The following WDR27 variants were observed in gnomAD, a reference collection of about 807,000 sequenced individuals.
The protein encoded by WDR27 is WD repeat-containing protein 27.
A neutral mutation model predicts 114.4 loss-of-function variants in WDR27; 100 were observed. That is an observed-to-expected ratio of 0.87 (90% CI 0.74 to 1.03). WDR27 has a LOEUF of 1.03. WDR27 is among the 50% of genes least tolerant of loss of function. The probability of loss-of-function intolerance (pLI) is 0.00; values close to 1 mark genes in which losing one functional copy is unlikely to be tolerated. For synonymous variants in WDR27, 449 were observed against 423.1 expected (o/e 1.06, Z -0.75); for missense variants, 1,129 against 1,092.9 (o/e 1.03, Z -0.47).
chr6:169,568,104 G>A (rs1053222734), intron 25 of WDR27, among the ~76,000 whole-genome samples: 1 of 151,784 alleles, frequency 6.6e-6, no homozygotes, highest in Non-Finnish European at 1.5e-5. Flanking sequence ...GCAGGGCTTG[G>A]GGAGACCAGT....
At chr6:169,601,084 G>A (rs1016960185) in intron 23 of WDR27, among the ~76,000 whole-genome samples, 1 of 152,166 alleles carries the variant, frequency 6.6e-6, no homozygotes, top group African/African-American at 2.4e-5. Flanking sequence ...TACCCACAAA[G>A]GGAAGCCCAT....
intron 25 of WDR27, among the ~76,000 whole-genome samples, chr6:169,461,623 A>G (rs1292813333): frequency 6.6e-6 from 1 of 150,630 alleles, no homozygotes; most frequent in African/African-American, 2.4e-5. Flanking sequence ...TAAGGGGGGA[A>G]TTTATAGCTA....
At chr6:169,669,450 A>G (rs2128292486) in intron 4 of WDR27, 1 of 152,304 alleles carries the variant, frequency 6.6e-6, no homozygotes, top group Non-Finnish European at 1.5e-5. Flanking sequence ...CCCCAGGCTG[A>G]TGGTTCTCTC....
At chr6:169,506,323 A>G (rs1415183776) in intron 25 of WDR27, among the ~76,000 whole-genome samples, 1 of 152,172 alleles carries the variant, frequency 6.6e-6, no homozygotes, top group Non-Finnish European at 1.5e-5. Context: ...GTCTTACCTA[A>G]CAAATGTTGA....
At position 169,628,136 on chromosome 6, in the gene WDR27, G is replaced by A. The variant is rs1200340096; in HGVS notation, c.2223+4811C>T. On this transcript the variant is annotated intron_variant, in intron 21 of 25. Coordinates refer to ENST00000448612, the MANE Select transcript of WDR27 (RefSeq NM_182552.5). ...ATGAGAGTGGAGTCTGCATGAATGG[G>A]CTGAATGCCCTTATGAGGGAGGTTT... Among the ~76,000 whole-genome samples, 4 of 151,990 alleles carry A rather than the reference G, an allele frequency of 2.6e-5. No homozygotes were observed. In the East Asian group the frequency reaches 7.7e-4, roughly 29 times the overall value.
intron 6 of WDR27, chr6:169,666,413 T>G (rs1018415076): frequency 3.0e-6 from 3 of 985,494 alleles, no homozygotes; most frequent in Non-Finnish European, 3.6e-6. Context: ...TTCATGTCAC[T>G]TACCGCATGG....
At chr6:169,582,557 C>T (rs563028433) in intron 24 of WDR27, among the ~76,000 whole-genome samples, 2 of 152,216 alleles carry the variant, frequency 1.3e-5, no homozygotes, top group African/African-American at 4.8e-5. Flanking sequence ...TCTTCCCATA[C>T]GTTCCTGTTT....
intron 3 of WDR27, chr6:169,671,283 T>A (rs1778682734): frequency 6.6e-6 from 1 of 152,426 alleles, no homozygotes; most frequent in Non-Finnish European, 1.5e-5. Flanking sequence ...AAAATGCAGA[T>A]ATACTCCACC....
intron 25 of WDR27, among the ~76,000 whole-genome samples, chr6:169,527,124 C>A (rs1432986000): frequency 6.6e-6 from 1 of 152,074 alleles, no homozygotes. Context: ...GCCATATGAC[C>A]CAGAAATTCC....
chr6:169,644,817 G>A (rs1431832829), intron 16 of WDR27, among the ~76,000 whole-genome samples: 1 of 69,580 alleles, frequency 1.4e-5, no homozygotes. Flanking sequence ...AGACCATCCC[G>A]GCTAAAACGG....
intron 25 of WDR27, among the ~76,000 whole-genome samples, chr6:169,466,195 G>T (rs1320375215): frequency 6.6e-6 from 1 of 152,170 alleles, no homozygotes; most frequent in Non-Finnish European, 1.5e-5. Context: ...GATAAAAAAT[G>T]AGTCATGCCC....
intron 18 of WDR27, among the ~76,000 whole-genome samples, chr6:169,637,548 ATG>A (rs1165674803): frequency 2.0e-5 from 3 of 152,124 alleles, no homozygotes; most frequent in Non-Finnish European, 2.9e-5. Flanking sequence ...TGCCTATTGC[ATG>A]TGTGTGAATA....
intron 17 of WDR27, among the ~76,000 whole-genome samples, chr6:169,640,174 C>T (rs892187521): frequency 6.6e-6 from 1 of 152,180 alleles, no homozygotes; most frequent in Non-Finnish European, 1.5e-5. Context: ...ACCACAACTC[C>T]CGAGAAAATT....
chr6:169,561,666 G>C (rs1799690551), intron 25 of WDR27, among the ~76,000 whole-genome samples: 3 of 151,752 alleles, frequency 2.0e-5, no homozygotes. Flanking sequence ...AAGATCAGAA[G>C]GAGCAAATAG....
intron 25 of WDR27, among the ~76,000 whole-genome samples, chr6:169,566,777 G>A (rs1212311308): frequency 3.3e-5 from 5 of 152,108 alleles, no homozygotes; most frequent in South Asian, 4.1e-4. Flanking sequence ...TGGGGGATTC[G>A]GACAGTATCA....
At chr6:169,612,801 CATA>C (rs893796099) in intron 22 of WDR27, among the ~76,000 whole-genome samples, 14 of 152,150 alleles carry the variant, frequency 9.2e-5, no homozygotes, top group African/African-American at 3.1e-4. Context: ...TCAGCTCCAT[CATA>C]ATCTTATGCC....
At chr6:169,553,274 C>T (rs909841) in intron 25 of WDR27, among the ~76,000 whole-genome samples, 45,541 of 151,782 alleles carry the variant, frequency 0.3, 7,698 homozygotes, top group African/African-American at 0.45. Context: ...ACTCCCAGCC[C>T]GGCCCAGCAA....
intron 24 of WDR27, among the ~76,000 whole-genome samples, chr6:169,579,439 G>A (rs1584356728): frequency 6.6e-6 from 1 of 152,132 alleles, no homozygotes; most frequent in East Asian, 1.9e-4. Flanking sequence ...CTGAGGCAGG[G>A]GTCAGCAAGG....
intron 25 of WDR27, among the ~76,000 whole-genome samples, chr6:169,561,634 A>C (rs1439682170): frequency 1.3e-5 from 2 of 152,102 alleles, no homozygotes; most frequent in South Asian, 2.1e-4. Context: ...GGGCCAAAAG[A>C]AAGCACAAAA....
Sources: gnomAD v4.1 joint callset for allele counts (sites outside exome capture counted in the v4.1 genomes callset) on GRCh38, gnomAD v4.1.1 for gene constraint, MANE v1.5 for transcripts, NCBI Gene and HGNC (gene_info 2026-07-23, HGNC 2026-07-21) for gene names.